The following UPP2 variants were observed in gnomAD, a reference collection of about 807,000 sequenced individuals.
UPP2 encodes the protein UPase 2.
A neutral mutation model predicts 26.7 loss-of-function variants in UPP2; 23 were observed. The observed-to-expected ratio is 0.86, with a 90% CI of 0.62 to 1.22. The LOEUF is 1.22. UPP2 is among the 50% of genes most tolerant of loss of function. The pLI is 0.00. For missense variants in UPP2, 387 were observed against 396.7 expected, an observed-to-expected ratio of 0.98 and a Z score of 0.21; for synonymous variants, 127 against 141.3, an observed-to-expected ratio of 0.90 and a Z score of 0.72.
intron 3 of UPP2, among the ~76,000 whole-genome samples, chr2:158,029,290 T>C (rs921209968): frequency 6.6e-6 from 1 of 152,220 alleles, no homozygotes; most frequent in Non-Finnish European, 1.5e-5. Context: ...ATTAGATTTC[T>C]AAAAAATAAA....
intron 1 of UPP2, among the ~76,000 whole-genome samples, chr2:158,102,641 C>G (rs548693111): frequency 1.6e-4 from 24 of 152,268 alleles, no homozygotes; most frequent in African/African-American, 5.8e-4. Flanking sequence ...ATTGCTGAAG[C>G]TGTCTACAAA....
intron 2 of UPP2, among the ~76,000 whole-genome samples, chr2:158,001,982 A>G (rs1014394599): frequency 6.9e-6 from 1 of 145,002 alleles, no homozygotes; most frequent in African/African-American, 2.6e-5. Context: ...AAAAAAAAAA[A>G]GAAGAGAGAG....
chr2:158,032,273 C>A (rs569930271), intron 3 of UPP2, among the ~76,000 whole-genome samples: 2 of 152,234 alleles, frequency 1.3e-5, no homozygotes, highest in Admixed American at 1.3e-4. Flanking sequence ...AAGTCATGCA[C>A]ATCCTGTCAC....
upstream of UPP2, among the ~76,000 whole-genome samples, chr2:158,099,797 C>A (rs1436404876): frequency 6.6e-6 from 1 of 152,154 alleles, no homozygotes; most frequent in Admixed American, 6.5e-5. Flanking sequence ...GTGCCAGCAT[C>A]ATAAAGGAAG....
In UPP2 at chr2:158,101,980, G is replaced by T; in HGVS notation, c.-84G>T. 2 of 1,589,842 alleles carry T rather than the reference G, an allele frequency of 1.3e-6. No homozygotes were observed. Among genetic ancestry groups the T allele is most frequent in the South Asian group, 2.3e-5 (2 of 86,214 alleles). On this transcript the variant is annotated 5_prime_UTR_variant, in exon 1 of 7. The change abolishes an upstream ATG in the 5' untranslated region. Coordinates refer to ENST00000005756, the MANE Select transcript of UPP2 (RefSeq NM_173355.4). Reference sequence around the variant, plus strand: ...TTCTGACTGGGAACTGAACTATTATGACTAGGTCTATAATTTAATAACAAG... The same window carrying T: ...TTCTGACTGGGAACTGAACTATTATTACTAGGTCTATAATTTAATAACAAG...
At chr2:158,058,419 C>CCTGTGTGTGTGTGTGTGTGTGTG (rs1682294260) in intron 3 of UPP2, among the ~76,000 whole-genome samples, 4 of 136,376 alleles carry the variant, frequency 2.9e-5, no homozygotes, top group African/African-American at 8.6e-5. Flanking sequence ...TCCCCCCAAC[C>CCTGTGTGTGTGTGTGTGTGTGTG]TGTGTGTGTG....
At chr2:158,086,521 C>A (rs564378275) in intron 3 of UPP2, among the ~76,000 whole-genome samples, 1 of 151,584 alleles carries the variant, frequency 6.6e-6, no homozygotes, top group South Asian at 2.1e-4. Context: ...TATTTCTTTT[C>A]TTCTGCTGGG....
chr2:158,018,749 C>T (rs539672918), intron 3 of UPP2, among the ~76,000 whole-genome samples: 1 of 152,172 alleles, frequency 6.6e-6, no homozygotes, highest in South Asian at 2.1e-4. Context: ...TTTGTCAATA[C>T]ACTCTTACAT....
At chr2:158,086,359 G>A (rs1267918892) in intron 3 of UPP2, among the ~76,000 whole-genome samples, 2 of 151,926 alleles carry the variant, frequency 1.3e-5, no homozygotes, top group Non-Finnish European at 2.9e-5. Flanking sequence ...GTTTCTAATT[G>A]AACTTATTTG....
chr2:158,009,684 A>G, intron 2 of UPP2, among the ~76,000 whole-genome samples: 1 of 152,202 alleles, frequency 6.6e-6, no homozygotes, highest in South Asian at 2.1e-4. Context: ...CGCAACGCAG[A>G]CTGGACTGTG....
At chr2:158,130,303 T>C (rs1316730246) in intron 6 of UPP2, among the ~76,000 whole-genome samples, 8 of 151,778 alleles carry the variant, frequency 5.3e-5, no homozygotes. Context: ...AACCAAAAAT[T>C]AGCCGGTCAT....
At chr2:158,112,343 C>T (rs1356225496) in intron 2 of UPP2, among the ~76,000 whole-genome samples, 1 of 151,988 alleles carries the variant, frequency 6.6e-6, no homozygotes, top group East Asian at 1.9e-4. Context: ...CATGCTAAGA[C>T]AATTTATTGT....
exon 3 of UPP2, chr2:158,015,859 C>G (rs539389080): frequency 2.2e-6 from 1 of 452,684 alleles, no homozygotes; most frequent in African/African-American, 2.0e-5. Flanking sequence ...GGCCTCCCAG[C>G]CATGCTTCCT....
At chr2:158,103,227 TC>T (rs1683112016) in intron 1 of UPP2, among the ~76,000 whole-genome samples, 1 of 152,302 alleles carries the variant, frequency 6.6e-6, no homozygotes, top group South Asian at 2.1e-4. Context: ...ACAAGAAACT[TC>T]TATAGACAGT....
intron 3 of UPP2, among the ~76,000 whole-genome samples, chr2:158,094,985 C>A (rs1558928686): frequency 1.3e-5 from 2 of 152,140 alleles, no homozygotes; most frequent in Non-Finnish European, 2.9e-5. Flanking sequence ...CTTGAAGTCA[C>A]CAGAATGGCC....
intron 3 of UPP2, among the ~76,000 whole-genome samples, chr2:158,043,663 T>C (rs943605330): frequency 5.3e-5 from 8 of 152,212 alleles, no homozygotes; most frequent in Non-Finnish European, 1.2e-4. Context: ...AAGGGTCTTG[T>C]ATGTGCTTGC....
chr2:158,129,759 GT>G lies in UPP2; in HGVS notation c.812-4980del, dbSNP rs145206707. Among the ~76,000 whole-genome samples, 79 of 147,864 alleles carry G rather than the reference GT, an allele frequency of 5.3e-4. 1 individual carries two copies. The Middle Eastern group carries it at 0.021, about 40-fold the overall frequency. On this transcript the variant is annotated intron_variant, in intron 6 of 6. Transcript: ENST00000005756. Reference sequence around the variant, plus strand: ...TTTATTTAAGGAAATAGATAGGAAGGTTTTTTTTTGTTTGTTTTTTTTTTGA... The same window carrying G: ...TTTATTTAAGGAAATAGATAGGAAGGTTTTTTTTGTTTGTTTTTTTTTTGA...
chr2:158,087,542 A>G (rs1682836560), intron 3 of UPP2, among the ~76,000 whole-genome samples: 1 of 152,156 alleles, frequency 6.6e-6, no homozygotes, highest in South Asian at 2.1e-4. Context: ...TTGTTGCCTG[A>G]ATACCTTTTT....
chr2:158,058,872 G>A (rs969948710), intron 3 of UPP2, among the ~76,000 whole-genome samples: 5 of 152,150 alleles, frequency 3.3e-5, no homozygotes, highest in Non-Finnish European at 7.4e-5. Flanking sequence ...AAGCTGAGAG[G>A]GAGAAGAGAG....
Sources: allele counts gnomAD v4.1 joint callset (sites outside exome capture counted in the v4.1 genomes callset), GRCh38; gene constraint gnomAD v4.1.1; transcripts MANE v1.5; gene names NCBI Gene and HGNC (gene_info 2026-07-23, HGNC 2026-07-21).